The following GPR63 variants were observed in gnomAD, a reference collection of about 807,000 sequenced individuals.
GPR63 encodes probable G protein-coupled receptor 63.
In GPR63, 12 loss-of-function variants were observed where a neutral mutation model predicts 23.1. The observed-to-expected ratio is 0.52, with a 90% CI of 0.33 to 0.84. The LOEUF is 0.84. Among genes scored for constraint, GPR63 ranks in the 40% least tolerant of loss-of-function variants. The probability of loss-of-function intolerance (pLI) is 0.02; values close to 1 mark genes in which losing one functional copy is unlikely to be tolerated. For synonymous variants in GPR63, 172 were observed against 191.1 expected (o/e 0.90, Z 0.82); for missense variants, 472 against 515.6 (o/e 0.92, Z 0.82).
At position 96,799,470 on chromosome 6, in the gene GPR63, T is replaced by C; in HGVS notation, c.262A>G (p.Met88Val). The C allele has an allele frequency of 1.9e-6, 3 of 1,614,106 alleles. No individual in the cohort carries two copies. Among genetic ancestry groups the C allele is most frequent in the South Asian group, 2.2e-5 (2 of 91,074 alleles). Reference sequence around the variant, plus strand: ...AAAGACACAAACAGAATGAATATCATTATAGCAGAAAGGGTGATCTGAAGA... The same window carrying C: ...AAAGACACAAACAGAATGAATATCACTATAGCAGAAAGGGTGATCTGAAGA... ...LPLQITLSAI[M>V]IFILFVSFLG... The change falls in exon 2 of 2, where the codon ATG becomes GTG. Residue 88 changes from methionine (M) to valine (V), a missense_variant. Transcript: ENST00000229955.
chr6:96,819,556 T>C (rs1323363879), intron 1 of GPR63, among the ~76,000 whole-genome samples: 1 of 151,690 alleles, frequency 6.6e-6, no homozygotes, highest in African/African-American at 2.4e-5. Context: ...TTAGGACAAA[T>C]ACCTAATGCA....
chr6:96,826,289 CT>C (rs1283559795), intron 1 of GPR63, among the ~76,000 whole-genome samples: 1 of 152,006 alleles, frequency 6.6e-6, no homozygotes, highest in Non-Finnish European at 1.5e-5. Flanking sequence ...TGAAACCAAA[CT>C]TAAAACAAGG....
chr6:96,823,262 G>C lies in GPR63; in HGVS notation c.-151+14006C>G, dbSNP rs529728971. Among the ~76,000 whole-genome samples, 6 of 152,166 alleles carry C rather than the reference G, an allele frequency of 3.9e-5. No homozygotes were observed. The East Asian group carries it at 1.2e-3, about 29-fold the overall frequency. ...CCTTCAGGAAGTATTCCAGAAGAAG[G>C]CATTGTTATCACAGGAGATGACGGC... On this transcript the variant is annotated intron_variant, in intron 1 of 1. Transcript: ENST00000229955.
intron 1 of GPR63, among the ~76,000 whole-genome samples, chr6:96,820,758 C>G (rs531040306): frequency 6.6e-6 from 1 of 152,214 alleles, no homozygotes; most frequent in African/African-American, 2.4e-5. Context: ...CCCTTAGCAA[C>G]TCTGTACTCA....
Position 96,814,656 on chromosome 6 carries a change from C to T in GPR63, c.-150-14775G>A, listed in dbSNP as rs192674271. ...AGAAGAGAACGGTACTTTCATTCCACTTAATATAGCAATTTGCAATGTTAA... is the reference window on the plus strand; with the variant it reads ...AGAAGAGAACGGTACTTTCATTCCATTTAATATAGCAATTTGCAATGTTAA... On this transcript the variant is annotated intron_variant, in intron 1 of 1. Coordinates refer to ENST00000229955, the MANE Select transcript of GPR63 (RefSeq NM_030784.4). Among the ~76,000 whole-genome samples the T allele has an allele frequency of 5.9e-5, 9 of 152,282 alleles. No homozygotes were observed. The East Asian group carries it at 1.7e-3, about 29-fold the overall frequency.
chr6:96,804,892 C>G (rs1020090218), intron 1 of GPR63, among the ~76,000 whole-genome samples: 2 of 152,054 alleles, frequency 1.3e-5, no homozygotes, highest in African/African-American at 4.8e-5. Flanking sequence ...TACTGATAAG[C>G]CAACAGTAGA....
chr6:96,829,272 T>G (rs1406310541), intron 1 of GPR63, among the ~76,000 whole-genome samples: 3 of 152,190 alleles, frequency 2.0e-5, no homozygotes, highest in Non-Finnish European at 4.4e-5. Context: ...ATCAAAGAAC[T>G]GGTAAGATAC....
At position 96,794,441 on chromosome 6, in the gene GPR63, G is replaced by A. The variant is rs944350942; in HGVS notation, c.*4031C>T. 2 of 152,058 alleles carry A rather than the reference G, an allele frequency of 1.3e-5. No homozygotes were observed. Among genetic ancestry groups the A allele is most frequent in the African/African-American group, 4.8e-5 (2 of 41,414 alleles). The allele number at this position is 152,058 out of a possible 1,614,324, so 9.4% of individuals were successfully genotyped here. On this transcript the variant is annotated 3_prime_UTR_variant, in exon 2 of 2. Coordinates refer to ENST00000229955, the MANE Select transcript of GPR63 (RefSeq NM_030784.4). ...TATAGTTGTGAAAATAAATCTGAAT[G>A]TAGCCATTCTTTAAACTTAAACTAA...
chr6:96,803,872 C>T (rs367730410), intron 1 of GPR63, among the ~76,000 whole-genome samples: 4 of 152,162 alleles, frequency 2.6e-5, no homozygotes, highest in African/African-American at 7.2e-5. Flanking sequence ...AATCCAATCT[C>T]GACTAGTCTT....
chr6:96,826,585 A>G (rs1774444232), intron 1 of GPR63, among the ~76,000 whole-genome samples: 1 of 152,136 alleles, frequency 6.6e-6, no homozygotes, highest in East Asian at 1.9e-4. Context: ...AATAACAAAC[A>G]TATTCTATTT....
chr6:96,812,304 T>C (rs1345210559), intron 1 of GPR63, among the ~76,000 whole-genome samples: 2 of 152,156 alleles, frequency 1.3e-5, no homozygotes, highest in Non-Finnish European at 2.9e-5. Context: ...AACCACAATA[T>C]TCACCACAAA....
chr6:96,798,527 C>A lies in GPR63; in HGVS notation c.1205G>T (p.Arg402Leu). The change falls in exon 2 of 2, where the codon CGA becomes CTA. Residue 402 changes from arginine to leucine, a missense_variant. Coordinates refer to ENST00000229955, the MANE Select transcript of GPR63 (RefSeq NM_030784.4). ...FLPQLPGHTK[R>L]RIRPSAVYVC... ...ATAGACAGCACTAGGACGTATCCGT[C>A]GCTTTGTGTGACCAGGGAGCTGCGG... 1.9e-6 allele frequency: 3 copies of A among 1,614,212 alleles called. No homozygotes were observed. Among genetic ancestry groups the A allele is most frequent in the Non-Finnish European group, 2.5e-6 (3 of 1,180,034 alleles).
chr6:96,831,528 G>A (rs1774579908), intron 1 of GPR63, among the ~76,000 whole-genome samples: 1 of 151,862 alleles, frequency 6.6e-6, no homozygotes, highest in Non-Finnish European at 1.5e-5. Flanking sequence ...TGAGGGCAAT[G>A]AAAAATATCA....
chr6:96,815,209 A>G (rs912338655), intron 1 of GPR63, among the ~76,000 whole-genome samples: 7 of 152,206 alleles, frequency 4.6e-5, no homozygotes, highest in African/African-American at 1.7e-4. Flanking sequence ...GCCAAGACAT[A>G]TAATTCTCCT....
chr6:96,832,050 T>C (rs1774598430), intron 1 of GPR63, among the ~76,000 whole-genome samples: 2 of 152,028 alleles, frequency 1.3e-5, no homozygotes, highest in African/African-American at 4.8e-5. Context: ...ATTAAAAATG[T>C]TACAGATCAT....
intron 1 of GPR63, among the ~76,000 whole-genome samples, chr6:96,831,970 C>T (rs949780963): frequency 1.3e-5 from 2 of 151,466 alleles, no homozygotes; most frequent in Admixed American, 1.3e-4. Context: ...ATAGTCATTA[C>T]TGTACAGCTG....
At position 96,799,555 on chromosome 6, in the gene GPR63, C is replaced by A; in HGVS notation, c.177G>T (p.Leu59Phe). The A allele has an allele frequency of 6.2e-7, 1 of 1,614,078 alleles. No individual in the cohort carries two copies. The highest frequency in any genetic ancestry group is 8.5e-7 in the Non-Finnish European group (1 of 1,180,018). The change falls in exon 2 of 2, where the codon TTG (leucine) becomes TTT (phenylalanine). Residue 59 changes from leucine to phenylalanine, a missense_variant. By Grantham distance (22) the Leu-to-Phe change is conservative (BLOSUM62 0). Transcript: ENST00000229955. ...TGGGCACAGCTGTACTATTCACGGT[C>A]AAGGAACTCAAACCAGTGGGAGCCA... ...ETMAPTGLSSLTVNSTAVPTT... is the reference protein window; with the variant it reads ...ETMAPTGLSSFTVNSTAVPTT...
intron 1 of GPR63, among the ~76,000 whole-genome samples, chr6:96,818,982 AG>A (rs1308603439): frequency 7.0e-4 from 106 of 152,340 alleles, no homozygotes; most frequent in African/African-American, 2.5e-3. Flanking sequence ...ATCTCACACC[AG>A]TTAGAATGGT....
chr6:96,823,867 G>A (rs572203399), intron 1 of GPR63, among the ~76,000 whole-genome samples: 1 of 152,194 alleles, frequency 6.6e-6, no homozygotes, highest in East Asian at 1.9e-4. Flanking sequence ...TTACAGGTTT[G>A]TAGCCCAGAG....
Sources: allele counts gnomAD v4.1 joint callset (sites outside exome capture counted in the v4.1 genomes callset), GRCh38; gene constraint gnomAD v4.1.1; transcripts MANE v1.5; gene names NCBI Gene and HGNC (gene_info 2026-07-23, HGNC 2026-07-21).